The following IKBKE variants were observed in gnomAD, a reference collection of about 807,000 sequenced individuals.
IKBKE encodes the protein inhibitor of nuclear factor kappa-B kinase subunit epsilon.
A neutral mutation model predicts 92.1 loss-of-function variants in IKBKE; 45 were observed. The ratio of observed to expected loss-of-function variants is 0.49; its 90% CI spans 0.38 to 0.63. The LOEUF (loss-of-function observed/expected upper bound fraction) is 0.63. IKBKE is among the 20% of genes least tolerant of loss of function. The pLI is 0.00. For synonymous variants in IKBKE, 374 were observed against 380.3 expected (o/e 0.98, Z 0.19); for missense variants, 700 against 932.8 (o/e 0.75, Z 3.25).
chr1:206,482,111 G>A (rs553427715), intron 13 of IKBKE, among the ~76,000 whole-genome samples: 76 of 152,218 alleles, frequency 5.0e-4, no homozygotes, highest in Non-Finnish European at 9.3e-4. Context: ...GAAAGAAGAA[G>A]AATACCTCAG....
chr1:206,496,403 TC>T lies in IKBKE; in HGVS notation c.*259del. ...TGGCAGCAACTGCCTGGCTGACCTT[TC>T]TATCTTCTCTAGGCTCAGGTACTGC... On this transcript the variant is annotated 3_prime_UTR_variant, in exon 22 of 22. Coordinates refer to ENST00000581977, the MANE Select transcript of IKBKE (RefSeq NM_014002.4). The T allele has an allele frequency of 1.9e-6, 1 of 526,516 alleles. No individual in the cohort carries two copies. The highest frequency in any genetic ancestry group is 2.4e-5 in the South Asian group (1 of 42,180). 32.6% of individuals were successfully genotyped at this position (526,516 alleles called of 1,614,324 possible). A position where few individuals can be genotyped will look rare whatever the true frequency, so the allele number is the denominator to read the frequency against.
chr1:206,485,353 C>A lies in IKBKE; in HGVS notation c.1616+47C>A, dbSNP rs1036713284. On this transcript the variant is annotated intron_variant, in intron 15 of 21. Transcript: ENST00000581977. This position sits in a 1 kb window ranked among gnomAD's most constrained non-coding sequence, Gnocchi z 5.0. ...TGTGGGGTGGGAGTGGGGGAGTGGG[C>A]AGCTCCAAAGGTCCAGTAACCTTTA... 1 of 1,159,878 alleles carries A rather than the reference C, an allele frequency of 8.6e-7. No individual in the cohort carries two copies. Among genetic ancestry groups the A allele is most frequent in the Non-Finnish European group, 1.3e-6 (1 of 769,244 alleles). 71.8% of individuals were successfully genotyped at this position (1,159,878 alleles called of 1,614,324 possible).
In IKBKE at chr1:206,493,955, C is replaced by G; in HGVS notation, c.2081C>G (p.Ala694Gly). Residue 694 changes from alanine to glycine, a missense_variant, in exon 21 of 22, where the codon GCA (alanine) becomes GGA (glycine). Transcript: ENST00000581977. ...CTCTGCGAGGGGATGAAGCTGCTGG[C>G]ATCTGACCTCCTGGACAACAACCGC... ...QELCEGMKLLASDLLDNNRII... is the reference protein window; with the variant it reads ...QELCEGMKLLGSDLLDNNRII... The G allele has an allele frequency of 1.2e-6, 2 of 1,614,078 alleles. No homozygotes were observed. Among genetic ancestry groups the G allele is most frequent in the African/African-American group, 2.7e-5 (2 of 75,066 alleles).
At chr1:206,484,781 A>T (rs1665568925) in intron 13 of IKBKE, among the ~76,000 whole-genome samples, 1 of 152,248 alleles carries the variant, frequency 6.6e-6, no homozygotes, top group African/African-American at 2.4e-5. Flanking sequence ...CTCAACCTTT[A>T]TTATTTGCAA....
At chr1:206,494,786 TA>T (rs2103488132) in intron 21 of IKBKE, among the ~76,000 whole-genome samples, 1 of 151,488 alleles carries the variant, frequency 6.6e-6, no homozygotes, top group Admixed American at 6.6e-5. Flanking sequence ...ATATTTTTAG[TA>T]GAGACAGGGT....
chr1:206,476,424 C>T lies in IKBKE; in HGVS notation c.540+62C>T. ...AGGGCTCCCCTTGCCTTGTGAGCCC[C>T]CCAGAGCCCCCATGAGGGGGTGTGG... On this transcript the variant is annotated intron_variant, in intron 6 of 21. Coordinates refer to ENST00000581977, the MANE Select transcript of IKBKE (RefSeq NM_014002.4). The surrounding 1 kb of genome is among the most constrained non-coding windows in gnomAD (Gnocchi z 5.1). The T allele has an allele frequency of 2.0e-6, 3 of 1,519,246 alleles. No individual in the cohort carries two copies. In the South Asian group the frequency reaches 3.7e-5, roughly 19 times the overall value. 94.1% of individuals were successfully genotyped at this position (1,519,246 alleles called of 1,614,324 possible). A position where few individuals can be genotyped will look rare whatever the true frequency, so the allele number is the denominator to read the frequency against.
In IKBKE at chr1:206,474,445, G is replaced by C. The variant is rs781937364; in HGVS notation, c.202G>C (p.Val68Leu). 6.2e-7 allele frequency: 1 copy of C among 1,613,918 alleles called. No individual in the cohort carries two copies. Among genetic ancestry groups the C allele is most frequent in the African/African-American group, 1.3e-5 (1 of 74,920 alleles). Residue 68 changes from valine (V) to leucine (L), a missense_variant, in exon 4 of 22, where the codon GTC (valine) becomes CTC (leucine). Physicochemically the swap from Val to Leu is conservative, Grantham distance 32. Coordinates refer to ENST00000581977, the MANE Select transcript of IKBKE (RefSeq NM_014002.4). The part of the protein sequence containing the change: ...VLRKLNHQNI[V>L]KLFAVEETGG... ...GCGGAAGCTGAACCACCAGAACATT[G>C]TCAAGCTCTTTGCGGTGGAGGAGAC...
At chr1:206,495,846 T>C (rs1666206992) in intron 21 of IKBKE, among the ~76,000 whole-genome samples, 1 of 152,108 alleles carries the variant, frequency 6.6e-6, no homozygotes, top group Admixed American at 6.5e-5. Flanking sequence ...CAGGGGAGCT[T>C]TTAAACGTAC....
chr1:206,473,396 G>A, intron 3 of IKBKE, 82 bp downstream of exon 3: 1 of 1,014,994 alleles, frequency 9.9e-7, no homozygotes, highest in Admixed American at 2.3e-5. Context: ...TCAGCCCCCA[G>A]TGGGCATTGA....
chr1:206,487,859 T>A lies in IKBKE; in HGVS notation c.1617-55T>A. 7.0e-7 allele frequency: 1 copy of A among 1,431,436 alleles called. No homozygotes were observed. Among genetic ancestry groups the A allele is most frequent in the Non-Finnish European group, 9.8e-7 (1 of 1,022,524 alleles). The allele number at this position is 1,431,436 out of a possible 1,614,324, so 88.7% of individuals were successfully genotyped here. A position where few individuals can be genotyped will look rare whatever the true frequency, so the allele number is the denominator to read the frequency against. On this transcript the variant is annotated intron_variant, in intron 15 of 21. Coordinates refer to ENST00000581977, the MANE Select transcript of IKBKE (RefSeq NM_014002.4). The surrounding 1 kb of genome is among the most constrained non-coding windows in gnomAD (Gnocchi z 5.3). The stretch of plus-strand genomic sequence containing the variant: ...CTGCCACCCTTCCCCTCCCTCCCTC[T>A]TTCCTCTGTGCTATTAGATTCTTCC...
At position 206,474,485 on chromosome 1, in the gene IKBKE, T is replaced by C. The variant is rs782558592; in HGVS notation, c.228+14T>C. ...GTGGAGGAGACGGTAGGTCCGGTGC[T>C]TGGTCAGAGAATGGTCTTGTCCTTG... On this transcript the variant is annotated intron_variant, in intron 4 of 21. Transcript: ENST00000581977. The C allele has an allele frequency of 1.9e-6, 3 of 1,608,738 alleles. No individual in the cohort carries two copies. Among genetic ancestry groups the C allele is most frequent in the Non-Finnish European group, 2.5e-6 (3 of 1,176,866 alleles).
intron 21 of IKBKE, among the ~76,000 whole-genome samples, chr1:206,495,808 C>G (rs1185585239): frequency 6.6e-6 from 1 of 152,192 alleles, no homozygotes; most frequent in Non-Finnish European, 1.5e-5. Context: ...CTTTCCCCTC[C>G]TAAACCTTGG....
At chr1:206,481,083 GAA>G (rs1305585501) in intron 13 of IKBKE, among the ~76,000 whole-genome samples, 2 of 152,184 alleles carry the variant, frequency 1.3e-5, no homozygotes, top group African/African-American at 4.8e-5. Context: ...GGATGGGTTG[GAA>G]AAAGAGAGAG....
At chr1:206,492,329 C>A (rs1337883199) in intron 18 of IKBKE, 3 of 408,134 alleles carry the variant, frequency 7.4e-6, no homozygotes, top group Non-Finnish European at 1.5e-5. Flanking sequence ...AACACTGGCC[C>A]CTCCTGAGAA....
chr1:206,496,262 C>T lies in IKBKE; in HGVS notation c.*117C>T. Reference sequence around the variant, plus strand: ...TCCCATCACATCAGCCTACCTCCCTCCTGGCTGCTGGCCAGGATGTCGCCA... The same window carrying T: ...TCCCATCACATCAGCCTACCTCCCTTCTGGCTGCTGGCCAGGATGTCGCCA... On this transcript the variant is annotated 3_prime_UTR_variant, in exon 22 of 22. Transcript: ENST00000581977. 2 of 840,970 alleles carry T rather than the reference C, an allele frequency of 2.4e-6. No individual in the cohort carries two copies. Among genetic ancestry groups the T allele is most frequent in the East Asian group, 2.5e-5 (1 of 39,784 alleles). The allele number at this position is 840,970 out of a possible 1,614,324, so 52.1% of individuals were successfully genotyped here.
Position 206,474,318 on chromosome 1 carries a change from T to C in IKBKE, c.88-13T>C, listed in dbSNP as rs1553384570. 6.2e-7 allele frequency: 1 copy of C among 1,608,932 alleles called. No individual in the cohort carries two copies. Among genetic ancestry groups the C allele is most frequent in the Non-Finnish European group, 8.5e-7 (1 of 1,176,966 alleles). On this transcript the variant is annotated splice_polypyrimidine_tract_variant and intron_variant, in intron 3 of 21. Coordinates refer to ENST00000581977, the MANE Select transcript of IKBKE (RefSeq NM_014002.4). ...TCCCATGCTGTCTCCCACTGCTCCC[T>C]CCCCAATGGCAGAAATCCGGAGAGC...
chr1:206,485,140 C>G lies in IKBKE; in HGVS notation c.1504-54C>G. The stretch of plus-strand genomic sequence containing the variant: ...GGGGGCCCGTGTTCCAGCCAGCCTG[C>G]CCACCAGTGCCCAGGCTGAAGACCC... On this transcript the variant is annotated intron_variant, in intron 14 of 21. Transcript: ENST00000581977. The surrounding 1 kb of genome is among the most constrained non-coding windows in gnomAD (Gnocchi z 5.0). The G allele has an allele frequency of 1.3e-6, 2 of 1,573,468 alleles. No homozygotes were observed. Among genetic ancestry groups the G allele is most frequent in the South Asian group, 1.1e-5 (1 of 90,272 alleles).
intron 2 of IKBKE, among the ~76,000 whole-genome samples, 174 bp downstream of exon 2, chr1:206,471,419 C>T (rs532992770): frequency 3.3e-5 from 5 of 152,246 alleles, no homozygotes; most frequent in East Asian, 1.9e-4. Flanking sequence ...ATCTGCAGAG[C>T]GTGCAGAGTT....
chr1:206,479,017 G>A lies in IKBKE; in HGVS notation c.1067G>A (p.Gly356Asp), dbSNP rs782465731. The A allele has an allele frequency of 6.2e-7, 1 of 1,614,048 alleles. No individual in the cohort carries two copies. The highest frequency in any genetic ancestry group is 1.3e-5 in the African/African-American group (1 of 74,992). Residue 356 changes from glycine to aspartate, a missense_variant, in exon 10 of 22, where the codon GGT becomes GAT. Physicochemically the swap from Gly to Asp is moderately conservative, Grantham distance 94. Transcript: ENST00000581977. ...CGACACCAGGAGTACCTCTTTGAGG[G>A]TCACCTCTGTGTCCTCGAGCCCAGC... ...APRHQEYLFE[G>D]HLCVLEPSVS...
Sources: gnomAD v4.1 joint callset for allele counts (sites outside exome capture counted in the v4.1 genomes callset) on GRCh38, gnomAD v4.1.1 for gene constraint, Gnocchi (gnomAD v3.1) non-coding constraint, MANE v1.5 for transcripts, NCBI Gene and HGNC (gene_info 2026-07-23, HGNC 2026-07-21) for gene names.